Variants in PHF24 observed in about 807,000 individuals in gnomAD.
PHF24 encodes the protein PHD finger protein 24.
PHF24 carries 25 observed loss-of-function variants against 42.6 expected under a neutral mutation model. That is an observed-to-expected ratio of 0.59 (90% CI 0.43 to 0.82). The LOEUF (loss-of-function observed/expected upper bound fraction) is 0.82, where lower values mean the gene tolerates loss of function less well. Among genes scored for constraint, PHF24 ranks in the 40% least tolerant of loss-of-function variants. The pLI is 0.00. For synonymous variants in PHF24, 185 were observed against 204.8 expected (o/e 0.90, Z 0.83); for missense variants, 470 against 538.1 (o/e 0.87, Z 1.25).
At chr9:34,937,646 T>TAAAAAAAA in the PHF24 span, among the ~76,000 whole-genome samples, 22 of 16,150 alleles carry the variant, frequency 1.4e-3, no homozygotes, top group Non-Finnish European at 1.6e-3. Context: ...AATGATCAAT[T>TAAAAAAAA]TAAAAAAAAA....
At chr9:34,757,913 G>A in the PHF24 span, among the ~76,000 whole-genome samples, 15 of 152,286 alleles carry the variant, frequency 9.8e-5, no homozygotes, top group African/African-American at 3.6e-4. Context: ...AGGAGAACAT[G>A]TGTGGTTGCT....
chr9:34,748,260 A>G, the PHF24 span, among the ~76,000 whole-genome samples: 3 of 152,170 alleles, frequency 2.0e-5, no homozygotes, highest in Non-Finnish European at 4.4e-5. Flanking sequence ...TTCTGTATGT[A>G]TGTTATACTT....
chr9:34,834,919 G>A, the PHF24 span: 2 of 1,425,166 alleles, frequency 1.4e-6, no homozygotes, highest in Non-Finnish European at 1.9e-6. Flanking sequence ...AGGGGGGCTT[G>A]GGCACATTTT....
chr9:34,704,624 A>G, the PHF24 span, among the ~76,000 whole-genome samples: 1 of 152,166 alleles, frequency 6.6e-6, no homozygotes, highest in Non-Finnish European at 1.5e-5. Context: ...CCTTGAGCTC[A>G]GGAGTTTTAA....
At chr9:34,936,135 A>G in the PHF24 span, among the ~76,000 whole-genome samples, 1 of 149,772 alleles carries the variant, frequency 6.7e-6, no homozygotes, top group Non-Finnish European at 1.5e-5. Flanking sequence ...GCTGGACTGT[A>G]CTGCCGCCAT....
At chr9:34,916,919 C>T in the PHF24 span, among the ~76,000 whole-genome samples, 1 of 152,156 alleles carries the variant, frequency 6.6e-6, no homozygotes, top group African/African-American at 2.4e-5. Context: ...CAAAAAGAAA[C>T]GTCCTTGTTT....
chr9:34,677,387 C>CTTTTTTTT, the PHF24 span, among the ~76,000 whole-genome samples: 1 of 110,946 alleles, frequency 9.0e-6, no homozygotes, highest in African/African-American at 3.6e-5. Context: ...TCTTTGTAAA[C>CTTTTTTTT]TGTTTTTTTT....
At chr9:34,832,263 C>T in the PHF24 span, 9 of 529,672 alleles carry the variant, frequency 1.7e-5, no homozygotes, top group South Asian at 2.5e-4. Context: ...CTTGAGCAGA[C>T]CAATGTTTCT....
chr9:34,945,486 A>G, the PHF24 span, among the ~76,000 whole-genome samples: 1 of 152,218 alleles, frequency 6.6e-6, no homozygotes, highest in African/African-American at 2.4e-5. Flanking sequence ...GAAGAGCCTT[A>G]CACTGCTGCT....
chr9:34,965,687 G>A (rs10972274), intron 1 of PHF24, among the ~76,000 whole-genome samples: 35,978 of 151,954 alleles, frequency 0.24, 5,040 homozygotes, highest in East Asian at 0.67. Context: ...ATAATGGGTT[G>A]TAGCGGATCT....
the PHF24 span, among the ~76,000 whole-genome samples, chr9:34,940,327 C>T: frequency 1.3e-5 from 2 of 151,966 alleles, no homozygotes; most frequent in African/African-American, 4.8e-5. Context: ...ATAAACTCTC[C>T]CACCCTGAAT....
chr9:34,733,255 A>G, the PHF24 span, among the ~76,000 whole-genome samples: 3 of 152,166 alleles, frequency 2.0e-5, no homozygotes, highest in African/African-American at 4.8e-5. Flanking sequence ...ATGTGTTTCA[A>G]TGTATGATAA....
chr9:34,728,272 A>C, the PHF24 span, among the ~76,000 whole-genome samples: 1 of 152,226 alleles, frequency 6.6e-6, no homozygotes, highest in South Asian at 2.1e-4. Context: ...TTTGATTTTT[A>C]CAACCACAAT....
chr9:34,668,604 C>G, the PHF24 span, among the ~76,000 whole-genome samples: 2 of 152,194 alleles, frequency 1.3e-5, no homozygotes, highest in East Asian at 3.8e-4. Context: ...CCAAATCATT[C>G]AACCAAGGGG....
the PHF24 span, among the ~76,000 whole-genome samples, chr9:34,941,059 A>T: frequency 6.6e-6 from 1 of 152,170 alleles, no homozygotes; most frequent in African/African-American, 2.4e-5. Context: ...CATGGATATG[A>T]AATACAAAAT....
At chr9:34,843,322 G>C in the PHF24 span, among the ~76,000 whole-genome samples, 1 of 152,094 alleles carries the variant, frequency 6.6e-6, no homozygotes, top group African/African-American at 2.4e-5. Context: ...AAATACTACT[G>C]TATGAACAAT....
the PHF24 span, among the ~76,000 whole-genome samples, chr9:34,942,210 C>T: frequency 6.6e-6 from 1 of 152,204 alleles, no homozygotes; most frequent in Admixed American, 6.5e-5. Flanking sequence ...GAACCCTTTT[C>T]TTTTCCAGGT....
chr9:34,738,920 AACAG>A, the PHF24 span, among the ~76,000 whole-genome samples: 3 of 152,288 alleles, frequency 2.0e-5, no homozygotes, highest in South Asian at 2.1e-4. Context: ...GATGGAGAAG[AACAG>A]ACAGTGTTAG....
the PHF24 span, among the ~76,000 whole-genome samples, chr9:34,740,262 G>A: frequency 2.0e-5 from 3 of 152,232 alleles, no homozygotes; most frequent in Non-Finnish European, 4.4e-5. Flanking sequence ...GGTGGTCGAT[G>A]GGACTGGGCG....
Sources: allele counts gnomAD v4.1 joint callset (sites outside exome capture counted in the v4.1 genomes callset), GRCh38; gene constraint gnomAD v4.1.1; transcripts MANE v1.5; gene names NCBI Gene and HGNC (gene_info 2026-07-23, HGNC 2026-07-21).